LARS2: variants seen among roughly 807,000 people sequenced by gnomAD.
The protein encoded by LARS2 is leucine--tRNA ligase, mitochondrial.
A neutral mutation model predicts 116.6 loss-of-function variants in LARS2; 81 were observed. That is an observed-to-expected ratio of 0.69 (90% CI 0.58 to 0.84). The LOEUF is 0.84. LARS2 is among the 40% of genes least tolerant of loss of function. The pLI, the probability that LARS2 is intolerant of heterozygous loss-of-function variation, is 0.00. For synonymous variants in LARS2, 396 were observed against 407.2 expected, an observed-to-expected ratio of 0.97 and a Z score of 0.33; for missense variants, 968 against 1,114.5, an observed-to-expected ratio of 0.87 and a Z score of 1.87.
chr3:45,453,518 G>A (rs1290532056), intron 7 of LARS2, among the ~76,000 whole-genome samples: 1 of 152,218 alleles, frequency 6.6e-6, no homozygotes, highest in African/African-American at 2.4e-5. Context: ...TTGCAGCATG[G>A]CCTTGGCTTC....
rs184698404 is a variant in LARS2 at position 45,439,311 on chromosome 3, T to G, written c.517-7580T>G. Among the ~76,000 whole-genome samples the G allele has an allele frequency of 4.7e-3, 623 of 131,904 alleles. 2 individuals are homozygous for G. Among genetic ancestry groups the G allele is most frequent in the Middle Eastern group, 0.019 (4 of 216 alleles). The allele number at this position is 131,904 out of a possible 152,430, so 86.5% of individuals were successfully genotyped here. ...ATCTCGGCTCACCGCAACCTCCGCC[T>G]CCTGGATTCAAGCAATTCCCTGCCT... On this transcript the variant is annotated intron_variant, in intron 6 of 21. Coordinates refer to ENST00000645846, the MANE Select transcript of LARS2 (RefSeq NM_015340.4).
chr3:45,430,728 G>T (rs566722451), intron 6 of LARS2, among the ~76,000 whole-genome samples: 1 of 148,884 alleles, frequency 6.7e-6, no homozygotes, highest in Non-Finnish European at 1.5e-5. Flanking sequence ...GGGACTACAG[G>T]CGCCCGCCAC....
chr3:45,422,366 C>T (rs948635423), intron 6 of LARS2: 1 of 151,674 alleles, frequency 6.6e-6, no homozygotes, highest in African/African-American at 2.4e-5. Flanking sequence ...TGTCATTTGC[C>T]TTGCATTTTG....
At chr3:45,430,538 C>T (rs1698687962) in intron 6 of LARS2, among the ~76,000 whole-genome samples, 1 of 149,104 alleles carries the variant, frequency 6.7e-6, no homozygotes, top group Non-Finnish European at 1.5e-5. Context: ...CCTCGGCCTC[C>T]CAAAGTGCTA....
chr3:45,493,099 G>A (rs945046809), intron 13 of LARS2, among the ~76,000 whole-genome samples: 5 of 151,776 alleles, frequency 3.3e-5, no homozygotes, highest in Admixed American at 3.3e-4. Flanking sequence ...AGGCTCCCTG[G>A]ATGATCTTTT....
At chr3:45,400,182 T>C in intron 3 of LARS2, 63 bp from the exon 4 acceptor site, 2 of 1,459,100 alleles carry the variant, frequency 1.4e-6, no homozygotes, top group East Asian at 2.3e-5. Context: ...TGCCAAAATA[T>C]TATGTATACA....
At chr3:45,493,553 C>T (rs1345482254) in intron 13 of LARS2, among the ~76,000 whole-genome samples, 1 of 152,170 alleles carries the variant, frequency 6.6e-6, no homozygotes, top group East Asian at 1.9e-4. Context: ...TTCTTAACCT[C>T]TCTGAATCCT....
At position 45,541,896 on chromosome 3, in the gene LARS2, A is replaced by G; in HGVS notation, c.2472A>G (p.Ala824=). 6.2e-7 allele frequency: 1 copy of G among 1,614,224 alleles called. No homozygotes were observed. The highest frequency in any genetic ancestry group is 2.2e-5 in the East Asian group (1 of 44,886). Residue 824 remains alanine (A), a synonymous_variant, in exon 21 of 22, where the codon GCA becomes GCG. Coordinates refer to ENST00000645846, the MANE Select transcript of LARS2 (RefSeq NM_015340.4). ...YTWDASVLLQ[A]WPAVDPEFLQ... ...GGGATGCCAGTGTGCTGCTCCAGGC[A>G]TGGCCTGCTGTGGACCCGGAGTTCC...
chr3:45,455,082 C>T (rs1699192257), intron 7 of LARS2, among the ~76,000 whole-genome samples: 2 of 151,510 alleles, frequency 1.3e-5, no homozygotes, highest in African/African-American at 4.8e-5. Flanking sequence ...CCCCCTTCCC[C>T]CCAAGTCTTT....
chr3:45,496,516 CAG>C, intron 14 of LARS2, 143 bp downstream of exon 14: 1 of 694,908 alleles, frequency 1.4e-6, no homozygotes, highest in Non-Finnish European at 2.6e-6. Flanking sequence ...GAGGAGTGGG[CAG>C]AGAGTGCTCT....
At chr3:45,524,453 CA>C (rs1250185888) in intron 20 of LARS2, among the ~76,000 whole-genome samples, 5 of 152,194 alleles carry the variant, frequency 3.3e-5, no homozygotes, top group African/African-American at 1.2e-4. Context: ...TACCACTGTA[CA>C]GGTGGAAATT....
chr3:45,501,452 C>G (rs765423519), intron 15 of LARS2, among the ~76,000 whole-genome samples: 1 of 152,152 alleles, frequency 6.6e-6, no homozygotes, highest in Non-Finnish European at 1.5e-5. Context: ...TTGCTTTCCT[C>G]ACTCAACAGT....
At chr3:45,490,395 C>T (rs1031919107) in intron 12 of LARS2, among the ~76,000 whole-genome samples, 3 of 152,174 alleles carry the variant, frequency 2.0e-5, no homozygotes, top group African/African-American at 7.2e-5. Context: ...TGAAGCCTCT[C>T]CTGGCTCTAG....
chr3:45,542,037 G>A (rs1317276251), intron 21 of LARS2, 81 bp downstream of exon 21: 2 of 1,553,564 alleles, frequency 1.3e-6, no homozygotes, highest in Non-Finnish European at 1.8e-6. Flanking sequence ...GTTTTGAGAG[G>A]TCTATTAGCA....
chr3:45,520,575 G>C (rs1700436897), intron 19 of LARS2, among the ~76,000 whole-genome samples: 1 of 152,150 alleles, frequency 6.6e-6, no homozygotes, highest in South Asian at 2.1e-4. Flanking sequence ...GTTGATTAGT[G>C]ACAAATCTAG....
At chr3:45,396,512 GACGGA>G (rs1268412441) in intron 3 of LARS2, among the ~76,000 whole-genome samples, 2 of 152,244 alleles carry the variant, frequency 1.3e-5, no homozygotes, top group Non-Finnish European at 2.9e-5. Context: ...CTGAGACTAT[GACGGA>G]ATGCTCATGG....
intron 8 of LARS2, among the ~76,000 whole-genome samples, chr3:45,460,546 G>A (rs1183861467): frequency 6.6e-6 from 1 of 152,208 alleles, no homozygotes; most frequent in East Asian, 1.9e-4. Flanking sequence ...AGTGGAAATG[G>A]TTAGTTACCA....
intron 14 of LARS2, among the ~76,000 whole-genome samples, chr3:45,499,597 G>A (rs1444541401): frequency 2.0e-5 from 3 of 152,150 alleles, no homozygotes; most frequent in Non-Finnish European, 4.4e-5. Context: ...GCTCCAGCGT[G>A]GGTGACCAAG....
intron 10 of LARS2, among the ~76,000 whole-genome samples, chr3:45,480,020 A>C (rs1464371125): frequency 6.6e-6 from 1 of 152,228 alleles, no homozygotes; most frequent in Admixed American, 6.5e-5. Flanking sequence ...TTAAATAATA[A>C]TTAATTGCTC....
Sources: allele counts gnomAD v4.1 joint callset (sites outside exome capture counted in the v4.1 genomes callset), GRCh38; gene constraint gnomAD v4.1.1; transcripts MANE v1.5; gene names NCBI Gene and HGNC (gene_info 2026-07-23, HGNC 2026-07-21).